The following PRKN variants were observed in gnomAD, a reference collection of about 807,000 sequenced individuals.
The protein encoded by PRKN is parkin RBR E3 ubiquitin protein ligase, also known as E3 ubiquitin-protein ligase parkin.
A neutral mutation model predicts 59.5 loss-of-function variants in PRKN; 56 were observed. The observed-to-expected ratio is 0.94, with a 90% CI of 0.76 to 1.18. The LOEUF is 1.18. PRKN is among the 50% of genes most tolerant of loss of function. The pLI is 0.00. For missense variants in PRKN, 657 were observed against 596.4 expected, an observed-to-expected ratio of 1.10 and a Z score of -1.06; for synonymous variants, 250 against 222.1, an observed-to-expected ratio of 1.13 and a Z score of -1.12.
chr6:161,609,934 T>C (rs945464116), intron 7 of PRKN, among the ~76,000 whole-genome samples: 3 of 152,210 alleles, frequency 2.0e-5, no homozygotes, highest in Non-Finnish European at 4.4e-5. Context: ...TAATTAGCTA[T>C]GAGACTGTTC....
At chr6:162,671,457 C>T (rs1584020970) in intron 1 of PRKN, among the ~76,000 whole-genome samples, 1 of 150,430 alleles carries the variant, frequency 6.6e-6, no homozygotes, top group Non-Finnish European at 1.5e-5. Flanking sequence ...CGAGATTGCG[C>T]CACTGCACTC....
intron 1 of PRKN, among the ~76,000 whole-genome samples, chr6:162,450,177 A>C (rs1244915226): frequency 6.6e-6 from 1 of 151,990 alleles, no homozygotes; most frequent in African/African-American, 2.4e-5. Flanking sequence ...ATCAGACTCA[A>C]AGTTGCTCAG....
At chr6:161,691,053 T>TCCATCCAC (rs1785772544) in intron 7 of PRKN, among the ~76,000 whole-genome samples, 1 of 151,180 alleles carries the variant, frequency 6.6e-6, no homozygotes, top group Non-Finnish European at 1.5e-5. Flanking sequence ...CATCCATCCA[T>TCCATCCAC]CCATCCATCC....
At chr6:161,909,823 G>A (rs1778287726) in intron 6 of PRKN, among the ~76,000 whole-genome samples, 1 of 152,166 alleles carries the variant, frequency 6.6e-6, no homozygotes, top group Non-Finnish European at 1.5e-5. Context: ...TGACTAAATG[G>A]AGTCAATGCT....
chr6:161,547,200 A>G lies in PRKN; in HGVS notation c.1083+1654T>C, dbSNP rs1436901209. 3.3e-5 allele frequency among the ~76,000 whole-genome samples: 5 copies of G among 152,206 alleles called. No individual in the cohort carries two copies. Among genetic ancestry groups the G allele is most frequent in the African/African-American group, 1.2e-4 (5 of 41,444 alleles). On this transcript the variant is annotated intron_variant, in intron 9 of 11. Coordinates refer to ENST00000366898, the MANE Select transcript of PRKN (RefSeq NM_004562.3). This position sits in a 1 kb window ranked among gnomAD's most constrained non-coding sequence, Gnocchi z 4.0. ...CACACCTCCAAAACCAACAAATCGA[A>G]ACAAATTAAGATAAATTAAGAATAC...
intron 3 of PRKN, among the ~76,000 whole-genome samples, chr6:162,212,991 T>A (rs553050829): frequency 6.6e-6 from 1 of 152,338 alleles, no homozygotes; most frequent in African/African-American, 2.4e-5. Context: ...CATTGTTATA[T>A]ATGTGGTCCA....
At position 161,391,055 on chromosome 6, in the gene PRKN, G is replaced by A. The variant is rs566224746; in HGVS notation, c.1084-4178C>T. On this transcript the variant is annotated intron_variant, in intron 9 of 11. Coordinates refer to ENST00000366898, the MANE Select transcript of PRKN (RefSeq NM_004562.3). The surrounding 1 kb of genome is among the most constrained non-coding windows in gnomAD (Gnocchi z 4.9). ...AAAACTCCTTCTTAAGACAGTGTTCGGGCCAGTTTGCAAACACTTCCCATG... is the reference window on the plus strand; with the variant it reads ...AAAACTCCTTCTTAAGACAGTGTTCAGGCCAGTTTGCAAACACTTCCCATG... Among the ~76,000 whole-genome samples the A allele has an allele frequency of 9.2e-5, 14 of 152,114 alleles. No individual in the cohort carries two copies. The highest frequency in any genetic ancestry group is 2.2e-4 in the African/African-American group (9 of 41,446).
intron 1 of PRKN, among the ~76,000 whole-genome samples, chr6:162,555,721 T>G (rs1217796730): frequency 6.6e-6 from 1 of 152,046 alleles, no homozygotes; most frequent in Non-Finnish European, 1.5e-5. Context: ...TCAAGGCCGG[T>G]GGCTCACGGC....
intron 9 of PRKN, among the ~76,000 whole-genome samples, chr6:161,434,933 G>A (rs12662364): frequency 0.26 from 39,538 of 152,088 alleles, 6,743 homozygotes; most frequent in East Asian, 0.77. Context: ...AGGAAGGAGA[G>A]GGGAGGGTTA....
chr6:162,469,797 TG>T (rs1173566860), intron 1 of PRKN, among the ~76,000 whole-genome samples: 1 of 152,000 alleles, frequency 6.6e-6, no homozygotes, highest in Admixed American at 6.6e-5. Flanking sequence ...GCTTGGATGA[TG>T]GGTTCACCAA....
intron 6 of PRKN, among the ~76,000 whole-genome samples, chr6:161,944,154 C>A (rs1209865547): frequency 2.0e-5 from 3 of 152,124 alleles, no homozygotes; most frequent in Admixed American, 2.0e-4. Flanking sequence ...AGGAATCTGG[C>A]TGCAGGGAAA....
chr6:162,582,657 C>A (rs1484340199), intron 1 of PRKN, among the ~76,000 whole-genome samples: 2 of 152,134 alleles, frequency 1.3e-5, no homozygotes, highest in Non-Finnish European at 2.9e-5. Context: ...TGAACAGAGT[C>A]CAAGTCTGAT....
intron 2 of PRKN, among the ~76,000 whole-genome samples, chr6:162,391,353 C>A (rs1329584836): frequency 2.0e-5 from 3 of 147,048 alleles, no homozygotes; most frequent in Admixed American, 6.8e-5. Context: ...CAATGACTTC[C>A]TCCTGGAAGA....
intron 7 of PRKN, among the ~76,000 whole-genome samples, chr6:161,623,102 TA>T (rs1160502738): frequency 6.6e-6 from 1 of 152,216 alleles, no homozygotes; most frequent in Non-Finnish European, 1.5e-5. Flanking sequence ...AAAATGTGTA[TA>T]AAATTGTAAA....
chr6:162,565,515 C>A (rs1423086579), intron 1 of PRKN, among the ~76,000 whole-genome samples: 2 of 151,976 alleles, frequency 1.3e-5, no homozygotes, highest in African/African-American at 4.8e-5. Context: ...CATGGTGAAA[C>A]CCTATCTCTA....
chr6:162,709,096 A>C (rs1471932351), intron 1 of PRKN, among the ~76,000 whole-genome samples: 1 of 151,342 alleles, frequency 6.6e-6, no homozygotes, highest in Non-Finnish European at 1.5e-5. Flanking sequence ...GTCTCCCATC[A>C]CCTCCAGATG....
chr6:161,857,256 T>C (rs901066693), intron 6 of PRKN, among the ~76,000 whole-genome samples: 2 of 152,148 alleles, frequency 1.3e-5, no homozygotes, highest in South Asian at 2.1e-4. Context: ...AGAGAGTAAG[T>C]GTTTTGGCTT....
chr6:162,213,437 G>C (rs1222703199), intron 3 of PRKN, among the ~76,000 whole-genome samples: 1 of 151,526 alleles, frequency 6.6e-6, no homozygotes, highest in Admixed American at 6.5e-5. Context: ...GCTCACAATA[G>C]TAAAACGATG....
At chr6:161,476,049 T>C (rs1013727173) in intron 9 of PRKN, among the ~76,000 whole-genome samples, 15 of 151,728 alleles carry the variant, frequency 9.9e-5, no homozygotes, top group Admixed American at 7.2e-4. Context: ...TAGCCGGGCG[T>C]GGTGGCGGGC....
Sources: gnomAD v4.1 joint callset for allele counts (sites outside exome capture counted in the v4.1 genomes callset) on GRCh38, gnomAD v4.1.1 for gene constraint, Gnocchi (gnomAD v3.1) non-coding constraint, MANE v1.5 for transcripts, NCBI Gene and HGNC (gene_info 2026-07-23, HGNC 2026-07-21) for gene names.